The following GALNTL6 variants were observed in gnomAD, a reference collection of about 807,000 sequenced individuals.
GALNTL6 encodes the protein polypeptide N-acetylgalactosaminyltransferase-like 6.
GALNTL6 carries 46 observed loss-of-function variants against 73.7 expected under a neutral mutation model. The observed-to-expected ratio is 0.62, with a 90% confidence interval of 0.49 to 0.80. The LOEUF is 0.80. GALNTL6 is among the 30% of genes least tolerant of loss of function. The pLI is 0.00. For missense variants in GALNTL6, 604 were observed against 755.0 expected (o/e 0.80, Z 2.34); for synonymous variants, 259 against 263.7 (o/e 0.98, Z 0.17).
intron 5 of GALNTL6, among the ~76,000 whole-genome samples, chr4:172,778,767 C>T (rs550648789): frequency 6.6e-6 from 1 of 152,250 alleles, no homozygotes; most frequent in South Asian, 2.1e-4. Flanking sequence ...AGAACAGTTC[C>T]AGTTATGTTG....
At chr4:172,657,664 ACT>A (rs568974691) in intron 5 of GALNTL6, among the ~76,000 whole-genome samples, 2 of 152,178 alleles carry the variant, frequency 1.3e-5, no homozygotes, top group Non-Finnish European at 2.9e-5. Context: ...CTAGCACCCA[ACT>A]CTCACCTCAC....
intron 2 of GALNTL6, among the ~76,000 whole-genome samples, chr4:171,973,333 T>A (rs2111067803): frequency 6.6e-6 from 1 of 152,286 alleles, no homozygotes; most frequent in East Asian, 1.9e-4. Flanking sequence ...GAAATGTATT[T>A]TCTCAGGGTT....
chr4:171,944,191 A>C (rs1249799641), intron 2 of GALNTL6, among the ~76,000 whole-genome samples: 4 of 152,078 alleles, frequency 2.6e-5, no homozygotes, highest in African/African-American at 9.6e-5. Context: ...TTTGATTTAT[A>C]GGAAGATCCA....
chr4:172,582,922 T>C (rs935642167), intron 5 of GALNTL6, among the ~76,000 whole-genome samples: 1 of 152,244 alleles, frequency 6.6e-6, no homozygotes, highest in African/African-American at 2.4e-5. Flanking sequence ...TTTGATAGAT[T>C]ATGTCTATCC....
At chr4:172,459,025 C>T (rs1216408366) in intron 5 of GALNTL6, among the ~76,000 whole-genome samples, 1 of 152,074 alleles carries the variant, frequency 6.6e-6, no homozygotes, top group African/African-American at 2.4e-5. Context: ...AGGATTAAGT[C>T]GGCTTCATCC....
intron 2 of GALNTL6, among the ~76,000 whole-genome samples, chr4:171,829,403 C>G (rs186951836): frequency 2.6e-4 from 39 of 152,198 alleles, no homozygotes; most frequent in African/African-American, 8.9e-4. Context: ...ACTCTTACAG[C>G]TTCAGATAAA....
chr4:172,518,490 C>T (rs187156259), intron 5 of GALNTL6, among the ~76,000 whole-genome samples: 5 of 151,914 alleles, frequency 3.3e-5, no homozygotes, highest in East Asian at 1.9e-4. Context: ...ATTTAGAGAA[C>T]GGTGAAGATG....
chr4:172,724,995 G>A (rs924492033), intron 5 of GALNTL6, among the ~76,000 whole-genome samples: 4 of 151,936 alleles, frequency 2.6e-5, no homozygotes, highest in African/African-American at 9.7e-5. Flanking sequence ...ACATGCAATG[G>A]AAGTCTTCGT....
intron 5 of GALNTL6, among the ~76,000 whole-genome samples, chr4:172,381,363 C>A (rs570070713): frequency 2.0e-5 from 3 of 152,066 alleles, no homozygotes; most frequent in Non-Finnish European, 4.4e-5. Flanking sequence ...TCATCACTAT[C>A]CAATCTTATA....
chr4:172,190,894 C>T (rs1735558640), intron 2 of GALNTL6, among the ~76,000 whole-genome samples: 1 of 152,216 alleles, frequency 6.6e-6, no homozygotes, highest in South Asian at 2.1e-4. Context: ...TCTTTACCAA[C>T]TAAACCCAAA....
intron 2 of GALNTL6, among the ~76,000 whole-genome samples, chr4:172,133,622 G>A (rs755617316): frequency 6.6e-6 from 1 of 152,188 alleles, no homozygotes; most frequent in Non-Finnish European, 1.5e-5. Context: ...TGATTTGTAT[G>A]GGGTTGAGAT....
intron 10 of GALNTL6, among the ~76,000 whole-genome samples, chr4:172,978,642 A>C (rs1198763464): frequency 6.6e-6 from 1 of 152,230 alleles, no homozygotes; most frequent in African/African-American, 2.4e-5. Context: ...ATAAAATTCC[A>C]TATTGAAATA....
intron 5 of GALNTL6, among the ~76,000 whole-genome samples, chr4:172,762,278 C>G (rs1045281570): frequency 2.0e-5 from 3 of 152,122 alleles, no homozygotes; most frequent in Non-Finnish European, 4.4e-5. Flanking sequence ...AGGGGGCTGA[C>G]AGATTCAAAT....
chr4:172,430,930 A>C (rs114327082), intron 5 of GALNTL6, among the ~76,000 whole-genome samples: 2,415 of 152,332 alleles, frequency 0.016, 65 homozygotes, highest in African/African-American at 0.055. Context: ...AACTAGCACA[A>C]TCTTATTACA....
intron 5 of GALNTL6, among the ~76,000 whole-genome samples, chr4:172,643,772 C>T (rs1740096075): frequency 6.6e-6 from 1 of 151,926 alleles, no homozygotes; most frequent in South Asian, 2.1e-4. Context: ...AATCTATAAT[C>T]CTCCAGTGTA....
chr4:172,731,921 G>C (rs1183839629), intron 5 of GALNTL6, among the ~76,000 whole-genome samples: 1 of 151,958 alleles, frequency 6.6e-6, no homozygotes. Flanking sequence ...ATTATTTCTA[G>C]TTTTCAGAAT....
chr4:171,917,050 G>A lies in GALNTL6; in HGVS notation c.138+102332G>A, dbSNP rs78275228. Among the ~76,000 whole-genome samples the A allele has an allele frequency of 7.2e-3, 1,097 of 151,926 alleles. 16 individuals carry two copies. Among genetic ancestry groups the A allele is most frequent in the African/African-American group, 0.025 (1,022 of 41,430 alleles). Reference sequence around the variant, plus strand: ...ATTTCTACCCCGTGTATCTCTTCAGGGCCATCAGGGTTTGTACATTTTTAT... The same window carrying A: ...ATTTCTACCCCGTGTATCTCTTCAGAGCCATCAGGGTTTGTACATTTTTAT... On this transcript the variant is annotated intron_variant, in intron 2 of 12. Coordinates refer to ENST00000506823, the MANE Select transcript of GALNTL6 (RefSeq NM_001034845.3).
chr4:172,370,218 C>T (rs1021627408), intron 5 of GALNTL6, among the ~76,000 whole-genome samples: 1 of 152,082 alleles, frequency 6.6e-6, no homozygotes, highest in South Asian at 2.1e-4. Flanking sequence ...TAGTTGGGCT[C>T]ATTTGGGGTT....
At chr4:173,009,772 T>C (rs1752463263) in intron 11 of GALNTL6, among the ~76,000 whole-genome samples, 1 of 152,224 alleles carries the variant, frequency 6.6e-6, no homozygotes. Context: ...TAATCTTACA[T>C]GTGAAGGATG....
Sources: gnomAD v4.1 joint callset for allele counts (sites outside exome capture counted in the v4.1 genomes callset) on GRCh38, gnomAD v4.1.1 for gene constraint, MANE v1.5 for transcripts, NCBI Gene and HGNC (gene_info 2026-07-23, HGNC 2026-07-21) for gene names.